AUTS2: variants seen among roughly 807,000 people sequenced by gnomAD.
The protein encoded by AUTS2 is activator of transcription and developmental regulator AUTS2, also known as autism susceptibility gene 2 protein.
In AUTS2, 17 loss-of-function variants were observed where a neutral mutation model predicts 112.4. The observed-to-expected ratio is 0.15, with a 90% CI of 0.10 to 0.23. AUTS2 has a LOEUF of 0.23. Among genes scored for constraint, AUTS2 ranks in the 10% least tolerant of loss-of-function variants. The probability of loss-of-function intolerance (pLI) is 1.00; values close to 1 mark genes in which losing one functional copy is unlikely to be tolerated. For missense variants in AUTS2, 1,510 were observed against 1,701.6 expected, an observed-to-expected ratio of 0.89 and a Z score of 1.98; for synonymous variants, 751 against 702.7, an observed-to-expected ratio of 1.07 and a Z score of -1.09.
At chr7:70,108,411 T>C (rs919304215) in intron 2 of AUTS2, among the ~76,000 whole-genome samples, 2 of 152,132 alleles carry the variant, frequency 1.3e-5, no homozygotes, top group African/African-American at 4.8e-5. Context: ...CTTGTTAATA[T>C]GGCAATTTTA....
intron 4 of AUTS2, among the ~76,000 whole-genome samples, chr7:70,170,072 T>TA (rs1808588529): frequency 6.6e-6 from 1 of 150,992 alleles, no homozygotes; most frequent in South Asian, 2.1e-4. Flanking sequence ...TTTCAAATAA[T>TA]AGAGGTTTTT....
At chr7:70,096,599 T>TAAAAAAAAAAAAAAAA (rs374942971) in intron 2 of AUTS2, among the ~76,000 whole-genome samples, 2 of 84,640 alleles carry the variant, frequency 2.4e-5, no homozygotes, top group African/African-American at 4.5e-5. Flanking sequence ...AACTCCATCT[T>TAAAAAAAAAAAAAAAA]AAAAAAAAAA....
At chr7:70,549,862 A>G (rs1800946559) in intron 5 of AUTS2, among the ~76,000 whole-genome samples, 1 of 152,196 alleles carries the variant, frequency 6.6e-6, no homozygotes. Flanking sequence ...AGGCTCATTT[A>G]TGTAACCCAC....
Position 69,894,271 on chromosome 7 carries a change from TTTTTTTTA to T in AUTS2, c.310-5014_310-5007del, listed in dbSNP as rs1175014652. Among the ~76,000 whole-genome samples, 25 of 119,668 alleles carry T rather than the reference TTTTTTTTA, an allele frequency of 2.1e-4. 2 individuals carry two copies. Among genetic ancestry groups the T allele is most frequent in the African/African-American group, 7.2e-4 (25 of 34,608 alleles). The allele number at this position is 119,668 out of a possible 152,430, so 78.5% of individuals were successfully genotyped here. ...TAAAGCGTTTTTTTTTTTTTTTTTT[TTTTTTTTA>T]ACAGATTTCTTTCTTATCCTTCTGC... On this transcript the variant is annotated intron_variant, in intron 1 of 18. Coordinates refer to ENST00000342771, the MANE Select transcript of AUTS2 (RefSeq NM_015570.4).
At chr7:69,710,723 G>C (rs1798281774) in intron 1 of AUTS2, among the ~76,000 whole-genome samples, 1 of 152,202 alleles carries the variant, frequency 6.6e-6, no homozygotes, top group African/African-American at 2.4e-5. Flanking sequence ...CTCTGACTGT[G>C]AACATTTAAT....
intron 4 of AUTS2, among the ~76,000 whole-genome samples, chr7:70,377,355 T>TATATATATATAGTG (rs1793150578): frequency 8.6e-6 from 1 of 116,304 alleles, no homozygotes; most frequent in South Asian, 2.8e-4. Context: ...TATATATATA[T>TATATATATATAGTG]ATATATATAT....
At chr7:70,272,704 A>G (rs1787751650) in intron 4 of AUTS2, among the ~76,000 whole-genome samples, 1 of 151,894 alleles carries the variant, frequency 6.6e-6, no homozygotes, top group African/African-American at 2.4e-5. Context: ...TCATACATCT[A>G]TAGTACTTCT....
At chr7:69,901,306 G>A (rs912829757) in intron 2 of AUTS2, among the ~76,000 whole-genome samples, 4 of 151,748 alleles carry the variant, frequency 2.6e-5, no homozygotes, top group Non-Finnish European at 4.4e-5. Flanking sequence ...CCCCAGCAGG[G>A]TAAGAAGGAA....
intron 4 of AUTS2, among the ~76,000 whole-genome samples, chr7:70,395,492 A>G: frequency 6.6e-6 from 1 of 152,248 alleles, no homozygotes; most frequent in Non-Finnish European, 1.5e-5. Context: ...CATTATCATT[A>G]ATAGCTCATC....
In AUTS2 at chr7:70,777,114, G is replaced by C; in HGVS notation, c.1944G>C (p.Lys648Asn). 1 of 1,614,142 alleles carries C rather than the reference G, an allele frequency of 6.2e-7. No individual in the cohort carries two copies. The highest frequency in any genetic ancestry group is 8.5e-7 in the Non-Finnish European group (1 of 1,180,018). Reference sequence around the variant, plus strand: ...CTTTCTTGTTCCAGAAACCAGGGAAGTGGTGTGCTATGCATGTTCACATCG... The same window carrying C: ...CTTTCTTGTTCCAGAAACCAGGGAACTGGTGTGCTATGCATGTTCACATCG... ...PFRPMLRKPG[K>N]WCAMHVHIAW... The change falls in exon 14 of 19, where the codon AAG (lysine) becomes AAC (asparagine). Residue 648 changes from lysine to asparagine, a missense_variant. This residue lies in a region of AUTS2 where 187 missense variants were observed against 309.7 expected (regional missense o/e 0.60). Transcript: ENST00000342771.
intron 5 of AUTS2, among the ~76,000 whole-genome samples, chr7:70,441,742 G>A (rs1796130718): frequency 2.6e-5 from 4 of 152,182 alleles, no homozygotes; most frequent in African/African-American, 9.7e-5. Context: ...ATGTTCACTT[G>A]TGTGGGAAGG....
At chr7:70,496,853 A>G (rs1340102561) in intron 5 of AUTS2, among the ~76,000 whole-genome samples, 1 of 129,984 alleles carries the variant, frequency 7.7e-6, no homozygotes, top group Non-Finnish European at 1.6e-5. Context: ...ACACAGTCAC[A>G]CACACACACA....
At chr7:70,768,877 C>CTTTCTTTT (rs1790116534) in intron 10 of AUTS2, among the ~76,000 whole-genome samples, 1 of 108,216 alleles carries the variant, frequency 9.2e-6, no homozygotes, top group African/African-American at 3.5e-5. Context: ...CCAGTGATTT[C>CTTTCTTTT]TTTTTTTTTT....
At chr7:69,959,046 C>A (rs991932656) in intron 2 of AUTS2, among the ~76,000 whole-genome samples, 1 of 152,156 alleles carries the variant, frequency 6.6e-6, no homozygotes, top group African/African-American at 2.4e-5. Flanking sequence ...TCAGTTGTCT[C>A]AAATTTTGCC....
In AUTS2 at chr7:69,740,912, A is replaced by G. The variant is rs17140863; in HGVS notation, c.309+140950A>G. The stretch of plus-strand genomic sequence containing the variant: ...TATGAGAAAGAGCTTTTGCCCAGGG[A>G]TTGTTAATTTTTAGGCAAAATTTAA... On this transcript the variant is annotated intron_variant, in intron 1 of 18. Transcript: ENST00000342771. 1.9e-3 allele frequency among the ~76,000 whole-genome samples: 291 copies of G among 152,296 alleles called. 1 individual carries two copies. The highest frequency in any genetic ancestry group is 6.7e-3 in the African/African-American group (277 of 41,570).
chr7:70,056,306 T>C (rs186833823), intron 2 of AUTS2, among the ~76,000 whole-genome samples: 59 of 152,288 alleles, frequency 3.9e-4, no homozygotes, highest in African/African-American at 1.4e-3. Flanking sequence ...ATTTTTACTT[T>C]TATAGCCTAA....
chr7:70,384,376 G>C (rs1793515164), intron 4 of AUTS2, among the ~76,000 whole-genome samples: 2 of 152,204 alleles, frequency 1.3e-5, no homozygotes, highest in Admixed American at 1.3e-4. Flanking sequence ...CTGTTCAAAG[G>C]GCTGCAACCA....
intron 5 of AUTS2, among the ~76,000 whole-genome samples, chr7:70,697,914 C>T (rs932614772): frequency 6.6e-6 from 1 of 152,022 alleles, no homozygotes; most frequent in African/African-American, 2.4e-5. Flanking sequence ...CTTATTTCAC[C>T]TTCCTCAAGC....
At chr7:70,532,124 C>A (rs998977853) in intron 5 of AUTS2, among the ~76,000 whole-genome samples, 5 of 152,204 alleles carry the variant, frequency 3.3e-5, no homozygotes, top group African/African-American at 1.2e-4. Context: ...CACTGCATGG[C>A]AATCTCAGGA....
Sources: gnomAD v4.1 joint callset for allele counts (sites outside exome capture counted in the v4.1 genomes callset) on GRCh38, gnomAD v4.1.1 for gene constraint, gnomAD v4.1.1 regional missense constraint, MANE v1.5 for transcripts, NCBI Gene and HGNC (gene_info 2026-07-23, HGNC 2026-07-21) for gene names.